The following HNF1A variants were observed in gnomAD, a reference collection of about 807,000 sequenced individuals.
HNF1A encodes hepatocyte nuclear factor 1-alpha.
A neutral mutation model predicts 62.2 loss-of-function variants in HNF1A; 21 were observed. That is an observed-to-expected ratio of 0.34 (90% CI 0.24 to 0.49). HNF1A has a LOEUF of 0.49. Among genes scored for constraint, HNF1A ranks in the 20% least tolerant of loss-of-function variants. The probability of loss-of-function intolerance (pLI) is 0.99; values close to 1 mark genes in which losing one functional copy is unlikely to be tolerated. For missense variants in HNF1A, 687 were observed against 832.3 expected, an observed-to-expected ratio of 0.83 and a Z score of 2.15; for synonymous variants, 374 against 366.8, an observed-to-expected ratio of 1.02 and a Z score of -0.22.
chr12:120,990,173 A>C (rs1422472001), intron 2 of HNF1A, among the ~76,000 whole-genome samples: 2 of 151,640 alleles, frequency 1.3e-5, no homozygotes, highest in African/African-American at 2.4e-5. Context: ...ACAGAGTCTC[A>C]CTCTGTTGCC....
Position 120,999,259 on chromosome 12 carries a change from T to C in HNF1A, c.1502-9T>C, listed in dbSNP as rs373141670. 2.5e-6 allele frequency: 4 copies of C among 1,613,712 alleles called. No homozygotes were observed. In the African/African-American group the frequency reaches 4.0e-5, roughly 16 times the overall value. ...CTGCCACGTCTGCCCCTCTCTCCCC[T>C]GCGGCCAGCCCTCTACAGCCACAAG... On this transcript the variant is annotated splice_polypyrimidine_tract_variant and intron_variant, in intron 7 of 9. Coordinates refer to ENST00000257555, the MANE Select transcript of HNF1A (RefSeq NM_000545.8).
Position 120,978,710 on chromosome 12 carries a change from G to A in HNF1A, c.-59G>A, listed in dbSNP as rs545740321. 11 of 1,526,926 alleles carry A rather than the reference G, an allele frequency of 7.2e-6. No individual in the cohort carries two copies. In the South Asian group the frequency reaches 7.9e-5, roughly 11 times the overall value. 94.6% of individuals were successfully genotyped at this position (1,526,926 alleles called of 1,614,324 possible). A position where few individuals can be genotyped will look rare whatever the true frequency, so the allele number is the denominator to read the frequency against. On this transcript the variant is annotated 5_prime_UTR_variant, in exon 1 of 10. Coordinates refer to ENST00000257555, the MANE Select transcript of HNF1A (RefSeq NM_000545.8). ...GCCGGCAGGCAAACGCAACCCACGC[G>A]GTGGGGGAGGCGGCTAGCGTGGTGG...
intron 1 of HNF1A, among the ~76,000 whole-genome samples, chr12:120,983,940 G>GTGTGTGTGTGTGTGTT: frequency 6.6e-6 from 1 of 151,808 alleles, no homozygotes; most frequent in African/African-American, 2.4e-5. Context: ...GTGTGTGTGT[G>GTGTGTGTGTGTGTGTT]TGTGTGTGTT....
chr12:120,992,984 C>A (rs184857757), intron 2 of HNF1A, among the ~76,000 whole-genome samples: 1 of 152,168 alleles, frequency 6.6e-6, no homozygotes, highest in Admixed American at 6.5e-5. Flanking sequence ...AGCTGGTAGA[C>A]CAGTTTCCAG....
Position 121,001,348 on chromosome 12 carries a change from G to A in HNF1A, c.*156G>A. 1.0e-6 allele frequency: 1 copy of A among 977,544 alleles called. No individual in the cohort carries two copies. The highest frequency in any genetic ancestry group is 1.5e-6 in the Non-Finnish European group (1 of 657,952). 60.6% of individuals were successfully genotyped at this position (977,544 alleles called of 1,614,324 possible). A position where few individuals can be genotyped will look rare whatever the true frequency, so the allele number is the denominator to read the frequency against. On this transcript the variant is annotated 3_prime_UTR_variant, in exon 10 of 10. Coordinates refer to ENST00000257555, the MANE Select transcript of HNF1A (RefSeq NM_000545.8). ...CACTCTGCTCTGATGCATCAGAAAG[G>A]GAGGGCTCTGAGGCGCCCCAACCCG...
chr12:120,987,801 T>G (rs1262652009), intron 1 of HNF1A, among the ~76,000 whole-genome samples: 4 of 150,486 alleles, frequency 2.7e-5, no homozygotes, highest in African/African-American at 9.9e-5. Context: ...TATCTATCTA[T>G]CTATCTATCT....
At chr12:120,990,663 AGGAAAGG>A in intron 2 of HNF1A, among the ~76,000 whole-genome samples, 1 of 146,326 alleles carries the variant, frequency 6.8e-6, no homozygotes, top group Non-Finnish European at 1.5e-5. Context: ...TAGGAAAGGG[AGGAAAGG>A]TAGGAAAGGG....
At position 120,984,431 on chromosome 12, in the gene HNF1A, G is replaced by A. The variant is rs567675503; in HGVS notation, c.327-4402G>A. Reference sequence around the variant, plus strand: ...AAATCTTTGGTTTGAGCCCAGGAGAGGCTCTCAAGAGGTGAGAGGAAGACT... The same window carrying A: ...AAATCTTTGGTTTGAGCCCAGGAGAAGCTCTCAAGAGGTGAGAGGAAGACT... On this transcript the variant is annotated intron_variant, in intron 1 of 9. Coordinates refer to ENST00000257555, the MANE Select transcript of HNF1A (RefSeq NM_000545.8). Among the ~76,000 whole-genome samples, 5 of 152,166 alleles carry A rather than the reference G, an allele frequency of 3.3e-5. No individual in the cohort carries two copies. In the South Asian group the frequency reaches 1.0e-3, roughly 32 times the overall value.
At position 120,978,590 on chromosome 12, in the gene HNF1A, T is replaced by A; in HGVS notation, c.-179T>A. On this transcript the variant is annotated 5_prime_UTR_variant, in exon 1 of 10. Coordinates refer to ENST00000257555, the MANE Select transcript of HNF1A (RefSeq NM_000545.8). ...GCAGGGGCCCTGATTCACGGGCCGC[T>A]GGGGCCAGGGTTGGGGGTTGGGGGT... The A allele has an allele frequency of 1.5e-6, 1 of 658,386 alleles. No individual in the cohort carries two copies. The highest frequency in any genetic ancestry group is 2.7e-6 in the Non-Finnish European group (1 of 367,314). The allele number at this position is 658,386 out of a possible 1,614,324, so 40.8% of individuals were successfully genotyped here.
chr12:120,983,950 T>TGTGTGTG (rs1382795865), intron 1 of HNF1A, among the ~76,000 whole-genome samples: 33 of 55,084 alleles, frequency 6.0e-4, no homozygotes, highest in East Asian at 4.9e-3. Flanking sequence ...GTGTGTGTGT[T>TGTGTGTG]TGTGTAAGAG....
Position 120,979,015 on chromosome 12 carries a change from C to A in HNF1A, c.247C>A (p.Pro83Thr). ...ETDDDGEDFTPPILKELENLS... is the reference protein window; with the variant it reads ...ETDDDGEDFTTPILKELENLS... The stretch of plus-strand genomic sequence containing the variant: ...GGACGACGATGGGGAAGACTTCACG[C>A]CACCCATCCTCAAAGAGCTGGAGAA... Residue 83 changes from proline (P) to threonine (T), a missense_variant, in exon 1 of 10, where the codon CCA becomes ACA. This residue lies in a region of HNF1A where 159 missense variants were observed against 154.4 expected (regional missense o/e 1.03). Coordinates refer to ENST00000257555, the MANE Select transcript of HNF1A (RefSeq NM_000545.8). 6.2e-7 allele frequency: 1 copy of A among 1,610,480 alleles called. No homozygotes were observed. The highest frequency in any genetic ancestry group is 8.5e-7 in the Non-Finnish European group (1 of 1,178,508).
intron 2 of HNF1A, among the ~76,000 whole-genome samples, chr12:120,990,498 G>T (rs1191537921): frequency 6.6e-6 from 1 of 152,144 alleles, no homozygotes; most frequent in Non-Finnish European, 1.5e-5. Context: ...AGCTACTGAG[G>T]AGGCTGAGGT....
chr12:120,990,364 C>T (rs768237706), intron 2 of HNF1A, among the ~76,000 whole-genome samples: 16 of 152,004 alleles, frequency 1.1e-4, no homozygotes, highest in Non-Finnish European at 2.1e-4. Context: ...CTCCTGACCT[C>T]GTGATCCGCC....
chr12:120,990,342 C>CGTGTTAGCCAAG (rs56106428), intron 2 of HNF1A, among the ~76,000 whole-genome samples: 1 of 152,064 alleles, frequency 6.6e-6, no homozygotes, highest in Non-Finnish European at 1.5e-5. Context: ...GGGGTTTCAC[C>CGTGTTAGCCAAG]ATGGTCTCGA....
At chr12:120,982,105 C>CT (rs1415395573) in intron 1 of HNF1A, among the ~76,000 whole-genome samples, 3 of 151,680 alleles carry the variant, frequency 2.0e-5, no homozygotes, top group African/African-American at 7.2e-5. Context: ...GAGTCTCACT[C>CT]TGTCGGCCCG....
chr12:120,989,278 A>G (rs1237919041), intron 2 of HNF1A, among the ~76,000 whole-genome samples: 1 of 151,982 alleles, frequency 6.6e-6, no homozygotes, highest in Non-Finnish European at 1.5e-5. Context: ...CTTTTTTTAG[A>G]TAGAGTTTTG....
rs1391422858 is a variant in HNF1A, at chr12:120,996,536, C to T, written c.1108-5C>T. On this transcript the variant is annotated splice_polypyrimidine_tract_variant and splice_region_variant and intron_variant, in intron 5 of 9. Coordinates refer to ENST00000257555, the MANE Select transcript of HNF1A (RefSeq NM_000545.8). This position sits in a 1 kb window ranked among gnomAD's most constrained non-coding sequence, Gnocchi z 4.5. ...CCCCGGACACAGCTTGGCTTCCCCT[C>T]GTAGGTCTCAGCAGCTGGGGGCCCC... The T allele has an allele frequency of 9.3e-6, 15 of 1,613,354 alleles. No individual in the cohort carries two copies. Among genetic ancestry groups the T allele is most frequent in the Middle Eastern group, 3.3e-4 (2 of 6,084 alleles).
intron 1 of HNF1A, among the ~76,000 whole-genome samples, chr12:120,987,168 G>A (rs781358056): frequency 4.6e-5 from 7 of 152,072 alleles, no homozygotes; most frequent in Non-Finnish European, 1.0e-4. Context: ...CCTGTCACCT[G>A]AGACTCTGTT....
intron 7 of HNF1A, chr12:120,998,127 A>C: frequency 3.2e-6 from 1 of 316,432 alleles, no homozygotes; most frequent in Non-Finnish European, 6.1e-6. Flanking sequence ...TAAAAGTACA[A>C]AAATTAGCCA....
Sources: allele counts gnomAD v4.1 joint callset (sites outside exome capture counted in the v4.1 genomes callset), GRCh38; gene constraint gnomAD v4.1.1; regional missense constraint gnomAD v4.1.1; non-coding constraint Gnocchi (gnomAD v3.1); transcripts MANE v1.5; gene names NCBI Gene and HGNC (gene_info 2026-07-23, HGNC 2026-07-21).